Variants in LARGE1 observed in about 807,000 individuals in gnomAD.
The protein encoded by LARGE1 is xylosyl- and glucuronyltransferase LARGE1.
A neutral mutation model predicts 87.6 loss-of-function variants in LARGE1; 43 were observed. The observed-to-expected ratio is 0.49, with a 90% CI of 0.38 to 0.63. The LOEUF is 0.63. LARGE1 is among the 30% of genes least tolerant of loss of function. The probability of loss-of-function intolerance (pLI) is 0.00; values close to 1 mark genes in which losing one functional copy is unlikely to be tolerated. For missense variants in LARGE1, 802 were observed against 1,000.2 expected, an observed-to-expected ratio of 0.80 and a Z score of 2.67; for synonymous variants, 434 against 394.6, an observed-to-expected ratio of 1.10 and a Z score of -1.18.
At chr22:33,367,260 G>A in intron 9 of LARGE1, among the ~76,000 whole-genome samples, 1 of 151,824 alleles carries the variant, frequency 6.6e-6, no homozygotes. Context: ...CTGGAATTAG[G>A]TGCCCCTATT....
At chr22:33,804,867 C>A (rs748925364) in intron 1 of LARGE1, among the ~76,000 whole-genome samples, 1 of 152,180 alleles carries the variant, frequency 6.6e-6, no homozygotes, top group Non-Finnish European at 1.5e-5. Flanking sequence ...CTTTCAATGG[C>A]CTGCAAAGGC....
chr22:33,755,366 C>G lies in LARGE1; in HGVS notation c.106+6005G>C, dbSNP rs574236186. On this transcript the variant is annotated intron_variant, in intron 2 of 14. Transcript: ENST00000397394. ...TAACACCCACATTGTCCCGGACTGC[C>G]TCCCTGACAATGGGAAACCTTTGCA... 2.0e-4 allele frequency among the ~76,000 whole-genome samples: 30 copies of G among 152,314 alleles called. No homozygotes were observed. In the South Asian group the frequency reaches 3.3e-3, roughly 17 times the overall value.
chr22:33,752,134 C>T (rs1227126449), intron 2 of LARGE1, among the ~76,000 whole-genome samples: 1 of 152,144 alleles, frequency 6.6e-6, no homozygotes, highest in East Asian at 1.9e-4. Context: ...CTGTCTGGTG[C>T]TATTATAAAT....
chr22:33,694,350 T>C (rs930885315), intron 2 of LARGE1, among the ~76,000 whole-genome samples: 2 of 152,216 alleles, frequency 1.3e-5, no homozygotes, highest in Non-Finnish European at 2.9e-5. Context: ...ATGCCAACTA[T>C]GAGGGTGACA....
intron 6 of LARGE1, among the ~76,000 whole-genome samples, chr22:33,437,783 T>C (rs2067324165): frequency 6.6e-6 from 1 of 152,160 alleles, no homozygotes; most frequent in East Asian, 1.9e-4. Flanking sequence ...AAAAAAAACA[T>C]AGTTCTTGCC....
At chr22:33,271,679 G>A (rs546910972), downstream of LARGE1, among the ~76,000 whole-genome samples, 2 of 152,320 alleles carry the variant, frequency 1.3e-5, no homozygotes, top group East Asian at 3.9e-4. Flanking sequence ...CTGCCCAAAT[G>A]GCTACAGCTC....
chr22:33,740,403 T>C (rs2083835215), intron 2 of LARGE1, among the ~76,000 whole-genome samples: 1 of 152,232 alleles, frequency 6.6e-6, no homozygotes, highest in Non-Finnish European at 1.5e-5. Flanking sequence ...CTTTCTATAA[T>C]TTCCCTTTTT....
the LARGE1 span, among the ~76,000 whole-genome samples, chr22:33,130,394 GCT>G: frequency 6.6e-6 from 1 of 150,472 alleles, no homozygotes; most frequent in African/African-American, 2.5e-5. Flanking sequence ...GGAGGCTGAG[GCT>G]CAAAAATCAC....
intron 2 of LARGE1, among the ~76,000 whole-genome samples, chr22:33,757,055 G>T (rs956136892): frequency 6.6e-6 from 1 of 152,152 alleles, no homozygotes; most frequent in Non-Finnish European, 1.5e-5. Flanking sequence ...GAACTAAGGG[G>T]TTAACGCACT....
rs3072340 is a variant in LARGE1, at chr22:33,837,257, T to TACACACACACACAC, written c.-82-75713_-82-75700dup. On this transcript the variant is annotated intron_variant, in intron 1 of 14. Transcript: ENST00000397394. ...TATATGGAGTAGAGAGTATTACATA[T>TACACACACACACAC]ACACACACACACACACACACACACC... 5.4e-3 allele frequency among the ~76,000 whole-genome samples: 816 copies of TACACACACACACAC among 149,738 alleles called. 6 individuals are homozygous for TACACACACACACAC. Among genetic ancestry groups the TACACACACACACAC allele is most frequent in the African/African-American group, 0.018 (723 of 40,588 alleles).
chr22:33,396,511 GA>G (rs1357537074), intron 7 of LARGE1, among the ~76,000 whole-genome samples: 2 of 149,892 alleles, frequency 1.3e-5, no homozygotes, highest in East Asian at 4.0e-4. Flanking sequence ...GGGAAGGAGG[GA>G]GGGGTGGGAG....
chr22:33,802,479 A>C (rs1721154306), intron 1 of LARGE1, among the ~76,000 whole-genome samples: 2 of 152,352 alleles, frequency 1.3e-5, no homozygotes, highest in South Asian at 2.1e-4. Flanking sequence ...GTAATCTTAA[A>C]GCCAAATGAA....
intron 6 of LARGE1, among the ~76,000 whole-genome samples, chr22:33,537,815 C>G (rs1255714591): frequency 6.6e-6 from 1 of 152,176 alleles, no homozygotes; most frequent in Non-Finnish European, 1.5e-5. Context: ...TCGTGATCCA[C>G]CCGCCTCGGC....
At chr22:33,614,165 A>G (rs2079517678) in intron 4 of LARGE1, among the ~76,000 whole-genome samples, 1 of 152,130 alleles carries the variant, frequency 6.6e-6, no homozygotes, top group African/African-American at 2.4e-5. Context: ...CAGTTTCCAA[A>G]TCTTCAAAAT....
At chr22:33,264,514 GC>G (rs1307505890) in intron 11 of LARGE1, among the ~76,000 whole-genome samples, 13 of 152,068 alleles carry the variant, frequency 8.5e-5, no homozygotes, top group African/African-American at 7.2e-5. Flanking sequence ...ACAAAAATTA[GC>G]CCACTTGGTG....
chr22:33,851,588 C>A (rs1169496825), intron 1 of LARGE1, among the ~76,000 whole-genome samples: 1 of 152,206 alleles, frequency 6.6e-6, no homozygotes, highest in African/African-American at 2.4e-5. Context: ...TAAAGACTAC[C>A]AGGAACATAC....
At chr22:33,311,375 T>C (rs181574719) in intron 11 of LARGE1, among the ~76,000 whole-genome samples, 20 of 152,372 alleles carry the variant, frequency 1.3e-4, no homozygotes, top group African/African-American at 4.1e-4. Flanking sequence ...AACTAGTGTA[T>C]ACAGAAGGAT....
intron 1 of LARGE1, among the ~76,000 whole-genome samples, chr22:33,883,099 C>G (rs573086582): frequency 6.6e-6 from 1 of 152,098 alleles, no homozygotes; most frequent in South Asian, 2.1e-4. Flanking sequence ...GAAGTCTGTG[C>G]GGCAGGAAGC....
intron 9 of LARGE1, among the ~76,000 whole-genome samples, chr22:33,379,624 T>C (rs1601637906): frequency 6.6e-6 from 1 of 152,064 alleles, no homozygotes; most frequent in Admixed American, 6.5e-5. Context: ...TATGCAGCCA[T>C]AAAAAAGGAT....
Sources: gnomAD v4.1 joint callset for allele counts (sites outside exome capture counted in the v4.1 genomes callset) on GRCh38, gnomAD v4.1.1 for gene constraint, MANE v1.5 for transcripts, NCBI Gene and HGNC (gene_info 2026-07-23, HGNC 2026-07-21) for gene names.